The following NAALADL2 variants were observed in gnomAD, a reference collection of about 807,000 sequenced individuals.
NAALADL2 encodes the protein inactive N-acetylated-alpha-linked acidic dipeptidase-like protein 2.
In NAALADL2, 76 loss-of-function variants were observed where a neutral mutation model predicts 87.2. That is an observed-to-expected ratio of 0.87 (90% confidence interval 0.72 to 1.05). The LOEUF (loss-of-function observed/expected upper bound fraction) is 1.05, where lower values mean the gene tolerates loss of function less well. NAALADL2 is among the 50% of genes least tolerant of loss of function. The probability of loss-of-function intolerance (pLI) is 0.00; values close to 1 mark genes in which losing one functional copy is unlikely to be tolerated. For synonymous variants in NAALADL2, 354 were observed against 331.0 expected (o/e 1.07, Z -0.75); for missense variants, 1,089 against 945.8 (o/e 1.15, Z -1.99).
intron 5 of NAALADL2, among the ~76,000 whole-genome samples, chr3:175,400,593 G>A (rs753672506): frequency 6.6e-6 from 1 of 152,120 alleles, no homozygotes; most frequent in Admixed American, 6.6e-5. Context: ...AAAGCATTAA[G>A]GTGGGTTTGT....
At chr3:175,057,226 C>T (rs565674511) in intron 1 of NAALADL2, among the ~76,000 whole-genome samples, 13 of 152,216 alleles carry the variant, frequency 8.5e-5, no homozygotes, top group South Asian at 8.3e-4. Context: ...ATACCAACTA[C>T]GAACATGGTA....
intron 2 of NAALADL2, among the ~76,000 whole-genome samples, chr3:174,574,426 A>C (rs539670867): frequency 6.6e-6 from 1 of 152,216 alleles, no homozygotes; most frequent in African/African-American, 2.4e-5. Flanking sequence ...AGTAGTAATT[A>C]ATGTTTTATT....
intron 3 of NAALADL2, among the ~76,000 whole-genome samples, chr3:175,251,920 C>T (rs1227953177): frequency 3.3e-5 from 5 of 152,142 alleles, no homozygotes; most frequent in Non-Finnish European, 7.4e-5. Context: ...ACAACGTTGT[C>T]TGTATTTAGA....
chr3:175,511,398 T>C (rs1473077809), intron 9 of NAALADL2, among the ~76,000 whole-genome samples: 1 of 152,140 alleles, frequency 6.6e-6, no homozygotes, highest in Non-Finnish European at 1.5e-5. Flanking sequence ...GATGTCCTTA[T>C]AAGCAGAGGA....
intron 11 of NAALADL2, among the ~76,000 whole-genome samples, chr3:175,653,387 G>A (rs1170011811): frequency 1.3e-5 from 2 of 152,106 alleles, no homozygotes; most frequent in East Asian, 3.9e-4. Flanking sequence ...AAACCCTACT[G>A]CTAGATTTTC....
At chr3:174,711,991 G>T (rs557049373) in intron 2 of NAALADL2, among the ~76,000 whole-genome samples, 1 of 151,992 alleles carries the variant, frequency 6.6e-6, no homozygotes, top group East Asian at 1.9e-4. Context: ...TAGAGACGGG[G>T]TTTCACAGGC....
Position 174,618,454 on chromosome 3 carries a change from T to C in NAALADL2, c.-115+67817T>C, listed in dbSNP as rs1279155774. Among the ~76,000 whole-genome samples the C allele has an allele frequency of 9.2e-5, 14 of 151,872 alleles. No homozygotes were observed. In the South Asian group the frequency reaches 1.5e-3, roughly 16 times the overall value. ...TCTGCTTAATTGAGTATTCTAAACA[T>C]AGGTAAGATTTTGTTTACTATAACA... is the stretch of plus-strand genomic sequence containing the variant. On this transcript the variant is annotated intron_variant, in intron 2 of 3. Coordinates refer to the NAALADL2 transcript ENST00000434257.
intron 1 of NAALADL2, among the ~76,000 whole-genome samples, chr3:175,006,393 AACTGT>A (rs1255866913): frequency 6.6e-6 from 1 of 152,150 alleles, no homozygotes. Context: ...CCATACCCAG[AACTGT>A]ACAAATAACA....
chr3:175,491,864 A>C (rs1728147601), intron 9 of NAALADL2, among the ~76,000 whole-genome samples: 1 of 152,212 alleles, frequency 6.6e-6, no homozygotes, highest in Non-Finnish European at 1.5e-5. Context: ...ATAAAATGGA[A>C]AAAAGACTGA....
At chr3:175,285,540 C>T (rs1754875765) in intron 4 of NAALADL2, among the ~76,000 whole-genome samples, 1 of 152,070 alleles carries the variant, frequency 6.6e-6, no homozygotes, top group South Asian at 2.1e-4. Flanking sequence ...TAGTGTGACT[C>T]ATTCATGTGG....
At chr3:175,549,994 T>C (rs1236373678) in intron 9 of NAALADL2, among the ~76,000 whole-genome samples, 1 of 152,070 alleles carries the variant, frequency 6.6e-6, no homozygotes, top group African/African-American at 2.4e-5. Flanking sequence ...AGCTTATATA[T>C]CATTTTAACA....
chr3:175,783,508 G>A (rs1469110790), intron 13 of NAALADL2, among the ~76,000 whole-genome samples: 1 of 151,766 alleles, frequency 6.6e-6, no homozygotes, highest in African/African-American at 2.4e-5. Context: ...CTCTCTGTCT[G>A]TTATTGGTGT....
At chr3:175,358,711 A>G (rs1764658129) in intron 5 of NAALADL2, among the ~76,000 whole-genome samples, 1 of 152,220 alleles carries the variant, frequency 6.6e-6, no homozygotes, top group Non-Finnish European at 1.5e-5. Context: ...GTAATAGTTC[A>G]TGACAAGACA....
At chr3:175,327,718 T>TG (rs144960321) in intron 5 of NAALADL2, among the ~76,000 whole-genome samples, 36,385 of 151,822 alleles carry the variant, frequency 0.24, 4,493 homozygotes, top group African/African-American at 0.3. Flanking sequence ...GATAAATAAA[T>TG]GGGGGGAAGT....
intron 3 of NAALADL2, among the ~76,000 whole-genome samples, chr3:174,777,628 G>T (rs1350416300): frequency 6.6e-6 from 1 of 152,056 alleles, no homozygotes; most frequent in Non-Finnish European, 1.5e-5. Flanking sequence ...CTACATATCT[G>T]CAGTGGGAAC....
At chr3:175,214,931 T>A (rs1742286249) in intron 2 of NAALADL2, among the ~76,000 whole-genome samples, 1 of 152,148 alleles carries the variant, frequency 6.6e-6, no homozygotes, top group African/African-American at 2.4e-5. Flanking sequence ...CAAAAAAATA[T>A]ACAAGGTATT....
chr3:175,701,890 TA>T (rs1739048982), intron 11 of NAALADL2, among the ~76,000 whole-genome samples: 1 of 152,196 alleles, frequency 6.6e-6, no homozygotes, highest in Non-Finnish European at 1.5e-5. Flanking sequence ...GCGAATTGCA[TA>T]TTTATCAATT....
intron 1 of NAALADL2, among the ~76,000 whole-genome samples, chr3:175,035,429 A>G (rs1015507773): frequency 6.6e-6 from 1 of 152,104 alleles, no homozygotes; most frequent in African/African-American, 2.4e-5. Flanking sequence ...AATATAAGAT[A>G]AGACCAAATG....
intron 3 of NAALADL2, among the ~76,000 whole-genome samples, chr3:174,824,865 A>C (rs2109344369): frequency 6.6e-6 from 1 of 152,260 alleles, no homozygotes; most frequent in African/African-American, 2.4e-5. Flanking sequence ...GTAACTCATC[A>C]AAAAAATAAG....
Sources: gnomAD v4.1 joint callset for allele counts (sites outside exome capture counted in the v4.1 genomes callset) on GRCh38, gnomAD v4.1.1 for gene constraint, MANE v1.5 for transcripts, NCBI Gene and HGNC (gene_info 2026-07-23, HGNC 2026-07-21) for gene names.